KLHL8: variants seen among roughly 807,000 people sequenced by gnomAD.
KLHL8 encodes the protein kelch like family member 8, also known as kelch-like protein 8.
A neutral mutation model predicts 63.5 loss-of-function variants in KLHL8; 38 were observed. The ratio of observed to expected loss-of-function variants is 0.60; its 90% CI spans 0.46 to 0.78. The LOEUF (loss-of-function observed/expected upper bound fraction) is 0.78. Among genes scored for constraint, KLHL8 ranks in the 30% least tolerant of loss-of-function variants. KLHL8 has a pLI of 0.00. For synonymous variants in KLHL8, 224 were observed against 254.3 expected, an observed-to-expected ratio of 0.88 and a Z score of 1.13; for missense variants, 566 against 752.4, an observed-to-expected ratio of 0.75 and a Z score of 2.90.
intron 1 of KLHL8, among the ~76,000 whole-genome samples, chr4:87,198,013 A>T (rs543449862): frequency 1.6e-4 from 14 of 88,236 alleles, no homozygotes; most frequent in South Asian, 8.2e-4. Context: ...TTTAATTATT[A>T]AAAAAAAAAA....
chr4:87,180,750 G>A (rs1055537536), intron 4 of KLHL8, among the ~76,000 whole-genome samples: 2 of 152,088 alleles, frequency 1.3e-5, no homozygotes, highest in Admixed American at 6.6e-5. Context: ...TAAATTTAAA[G>A]TCGGAAGAGC....
chr4:87,184,927 A>G lies in KLHL8; in HGVS notation c.765+324T>C, dbSNP rs577236249. 5.9e-5 allele frequency among the ~76,000 whole-genome samples: 9 copies of G among 152,354 alleles called. No homozygotes were observed. The South Asian group carries it at 1.2e-3, about 21-fold the overall frequency. On this transcript the variant is annotated intron_variant, in intron 3 of 9. Transcript: ENST00000273963. ...TTATAAAACAATAATTATAAAGTATATTAATTTAGAGCTATTTCTTCAAAC... is the reference window on the plus strand; with the variant it reads ...TTATAAAACAATAATTATAAAGTATGTTAATTTAGAGCTATTTCTTCAAAC...
intron 1 of KLHL8, among the ~76,000 whole-genome samples, chr4:87,234,065 G>A (rs965299680): frequency 6.6e-6 from 1 of 152,156 alleles, no homozygotes; most frequent in African/African-American, 2.4e-5. Context: ...TAGATGTAGA[G>A]ATACTTTAAA....
Position 87,233,707 on chromosome 4 carries a change from A to T in KLHL8, n.57+6551T>A, listed in dbSNP as rs574198895. On this transcript the variant is annotated intron_variant and non_coding_transcript_variant, in intron 1 of 1. Coordinates refer to the KLHL8 transcript ENST00000506274. ...AACGATATTTTCTTCTAAAATTTTG[A>T]ATTTTACATTGTATATTTAAATCTT... Among the ~76,000 whole-genome samples the T allele has an allele frequency of 2.6e-5, 4 of 152,238 alleles. No homozygotes were observed. In the South Asian group the frequency reaches 6.2e-4, roughly 24 times the overall value.
In KLHL8 at chr4:87,164,427, A is replaced by T. The variant is rs73839114; in HGVS notation, c.1538-348T>A. On this transcript the variant is annotated intron_variant, in intron 8 of 9. Coordinates refer to ENST00000273963, the MANE Select transcript of KLHL8 (RefSeq NM_020803.5). ...TGTCCTTAGCCGTCTAGAGACAAGC[A>T]AGACAGTACTGAGATTCCTTCTCTG... 4.2e-3 allele frequency among the ~76,000 whole-genome samples: 634 copies of T among 152,322 alleles called. 4 individuals carry two copies. The highest frequency in any genetic ancestry group is 0.015 in the African/African-American group (616 of 41,580).
At position 87,218,479 on chromosome 4, in the gene KLHL8, A is replaced by C. The variant is rs143784947; in HGVS notation, c.-152+1939T>G. ...TGATCCGCCCGCCTCGGCCTCCCAA[A>C]GTGTTGGGATTACAGGCGTGAGCCA... On this transcript the variant is annotated intron_variant, in intron 1 of 9. Transcript: ENST00000273963. 4.8e-3 allele frequency among the ~76,000 whole-genome samples: 728 copies of C among 152,258 alleles called. 9 individuals carry two copies. The highest frequency in any genetic ancestry group is 0.016 in the African/African-American group (667 of 41,558).
intron 1 of KLHL8, among the ~76,000 whole-genome samples, chr4:87,238,546 T>A (rs911073023): frequency 4.6e-5 from 7 of 152,166 alleles, no homozygotes; most frequent in Non-Finnish European, 1.0e-4. Flanking sequence ...TCTGTTCTTT[T>A]TAATAATGTA....
chr4:87,178,979 T>G (rs1159793230), intron 4 of KLHL8, among the ~76,000 whole-genome samples: 1 of 152,206 alleles, frequency 6.6e-6, no homozygotes, highest in Non-Finnish European at 1.5e-5. Context: ...AACATCTTAC[T>G]TCCTTGATTT....
chr4:87,207,501 G>A lies in KLHL8; in HGVS notation c.-151-11811C>T, dbSNP rs139824496. On this transcript the variant is annotated intron_variant, in intron 1 of 9. Coordinates refer to ENST00000273963, the MANE Select transcript of KLHL8 (RefSeq NM_020803.5). ...TAGTGATGGGCATGAACCATGAGAAGTATGACAACAGCCTCAAGATCATCA... is the reference window on the plus strand; with the variant it reads ...TAGTGATGGGCATGAACCATGAGAAATATGACAACAGCCTCAAGATCATCA... 5,391 of 809,716 alleles carry A rather than the reference G, an allele frequency of 6.7e-3. 37 individuals carry two copies. The highest frequency in any genetic ancestry group is 0.017 in the Middle Eastern group (76 of 4,408). 50.2% of individuals were successfully genotyped at this position (809,716 alleles called of 1,614,324 possible). A position where few individuals can be genotyped will look rare whatever the true frequency, so the allele number is the denominator to read the frequency against.
chr4:87,209,152 A>C (rs1220570978), intron 1 of KLHL8, among the ~76,000 whole-genome samples: 1 of 151,802 alleles, frequency 6.6e-6, no homozygotes, highest in South Asian at 2.1e-4. Flanking sequence ...TATGTAATTC[A>C]ACCTACACTC....
rs1350215251 is a variant in KLHL8, at chr4:87,162,125, G to C, written c.*1394C>G. On this transcript the variant is annotated 3_prime_UTR_variant, in exon 10 of 10. Coordinates refer to ENST00000273963, the MANE Select transcript of KLHL8 (RefSeq NM_020803.5). ...ACTGCCCCAGCTTCCTTATGAACCA[G>C]ATTACTGACCAGCGGTGAACTACAA... 1 of 152,154 alleles carries C rather than the reference G, an allele frequency of 6.6e-6. No individual in the cohort carries two copies. Among genetic ancestry groups the C allele is most frequent in the Non-Finnish European group, 1.5e-5 (1 of 68,028 alleles). 9.4% of individuals were successfully genotyped at this position (152,154 alleles called of 1,614,324 possible).
intron 8 of KLHL8, among the ~76,000 whole-genome samples, chr4:87,164,313 G>T (rs921127911): frequency 6.6e-6 from 1 of 151,526 alleles, no homozygotes; most frequent in African/African-American, 2.4e-5. Flanking sequence ...TAGGATTAAA[G>T]ATCTTGTAAG....
intron 1 of KLHL8, among the ~76,000 whole-genome samples, chr4:87,218,941 G>A (rs924933786): frequency 1.3e-5 from 2 of 151,982 alleles, no homozygotes; most frequent in Admixed American, 1.3e-4. Flanking sequence ...TCACCATGTT[G>A]GCCAGACTGG....
intron 1 of KLHL8, among the ~76,000 whole-genome samples, chr4:87,217,541 T>A (rs965845946): frequency 2.0e-5 from 3 of 152,118 alleles, no homozygotes; most frequent in African/African-American, 4.8e-5. Context: ...ACACAGGGTT[T>A]CGCCGTGTTG....
chr4:87,174,045 C>T (rs563685372), intron 6 of KLHL8, among the ~76,000 whole-genome samples: 124 of 151,970 alleles, frequency 8.2e-4, no homozygotes, highest in Middle Eastern at 6.8e-3. Flanking sequence ...TTAGAGGCAA[C>T]ATATCCCCAT....
intron 1 of KLHL8, among the ~76,000 whole-genome samples, chr4:87,238,813 G>A (rs1382781798): frequency 6.6e-6 from 1 of 152,084 alleles, no homozygotes; most frequent in Non-Finnish European, 1.5e-5. Flanking sequence ...CAGTGCTCAA[G>A]CATCCATAAT....
At chr4:87,207,199 T>C in intron 1 of KLHL8, 1 of 570,318 alleles carries the variant, frequency 1.8e-6, no homozygotes. Flanking sequence ...ACCGCTTCAT[T>C]GACCTCAACT....
intron 1 of KLHL8, chr4:87,240,165 A>G (rs1260143391): frequency 1.3e-5 from 2 of 152,202 alleles, no homozygotes; most frequent in Non-Finnish European, 2.9e-5. Context: ...CTAATACCAT[A>G]GACAAAAAAG....
At chr4:87,227,494 A>T (rs1271056169) in intron 1 of KLHL8, among the ~76,000 whole-genome samples, 1 of 152,108 alleles carries the variant, frequency 6.6e-6, no homozygotes, top group Non-Finnish European at 1.5e-5. Flanking sequence ...AAAAAGAAAG[A>T]AAAAAATTAG....
Sources: allele counts gnomAD v4.1 joint callset (sites outside exome capture counted in the v4.1 genomes callset), GRCh38; gene constraint gnomAD v4.1.1; transcripts MANE v1.5; gene names NCBI Gene and HGNC (gene_info 2026-07-23, HGNC 2026-07-21).